Variants in DLG1 observed in about 807,000 individuals in gnomAD.
The protein encoded by DLG1 is discs large MAGUK scaffold protein 1.
A neutral mutation model predicts 123.4 loss-of-function variants in DLG1; 42 were observed. The observed-to-expected ratio is 0.34, with a 90% CI of 0.27 to 0.44. The LOEUF (loss-of-function observed/expected upper bound fraction) is 0.44. DLG1 is among the 20% of genes least tolerant of loss of function. The pLI, the probability that DLG1 is intolerant of heterozygous loss-of-function variation, is 1.00. For missense variants in DLG1, 942 were observed against 1,082.6 expected, an observed-to-expected ratio of 0.87 and a Z score of 1.82; for synonymous variants, 317 against 356.2, an observed-to-expected ratio of 0.89 and a Z score of 1.24.
At chr3:197,115,762 T>C (rs545004393) in intron 13 of DLG1, among the ~76,000 whole-genome samples, 165 bp downstream of exon 13, 2 of 152,186 alleles carry the variant, frequency 1.3e-5, no homozygotes, top group Non-Finnish European at 2.9e-5. Context: ...ACACCTATTA[T>C]ATAATATGTT....
intron 4 of DLG1, among the ~76,000 whole-genome samples, chr3:197,228,483 T>C (rs1009074653): frequency 6.6e-6 from 1 of 152,252 alleles, no homozygotes; most frequent in Admixed American, 6.5e-5. Flanking sequence ...CTATGATCAT[T>C]TTAATGATTA....
At chr3:197,227,547 T>G (rs1157082418) in intron 4 of DLG1, among the ~76,000 whole-genome samples, 1 of 152,134 alleles carries the variant, frequency 6.6e-6, no homozygotes, top group Non-Finnish European at 1.5e-5. Flanking sequence ...ATTCATATAT[T>G]TGTACTCAAC....
rs140434774 is a variant in DLG1, at chr3:197,042,564, G to T, written c.*2059C>A. On this transcript the variant is annotated 3_prime_UTR_variant, in exon 25 of 25. Transcript: ENST00000667157. Reference sequence around the variant, plus strand: ...AAAAATCACTTAACAAGGACATCCAGAAAACAATGTTATGTAAATTTTAAT... The same window carrying T: ...AAAAATCACTTAACAAGGACATCCATAAAACAATGTTATGTAAATTTTAAT... 2.0e-5 allele frequency: 3 copies of T among 152,242 alleles called. No homozygotes were observed. In the East Asian group the frequency reaches 5.8e-4, roughly 29 times the overall value. 9.4% of individuals were successfully genotyped at this position (152,242 alleles called of 1,614,324 possible). A position where few individuals can be genotyped will look rare whatever the true frequency, so the allele number is the denominator to read the frequency against.
At chr3:197,278,508 T>A (rs1197973267) in intron 4 of DLG1, among the ~76,000 whole-genome samples, 3 of 150,964 alleles carry the variant, frequency 2.0e-5, no homozygotes, top group Non-Finnish European at 4.4e-5. Context: ...AAGAAAAAAA[T>A]CCCTATCACT....
chr3:197,264,978 CA>C (rs1560071358), intron 4 of DLG1, among the ~76,000 whole-genome samples: 1 of 152,162 alleles, frequency 6.6e-6, no homozygotes, highest in South Asian at 2.1e-4. Context: ...AATAATCCTT[CA>C]AAAAAGCTTG....
chr3:197,045,950 G>A (rs1265701586), intron 24 of DLG1, among the ~76,000 whole-genome samples: 4 of 152,184 alleles, frequency 2.6e-5, no homozygotes, highest in African/African-American at 9.7e-5. Flanking sequence ...GATGTGCATA[G>A]AAGAAAGACG....
At chr3:197,246,193 C>T (rs1212874498) in intron 4 of DLG1, among the ~76,000 whole-genome samples, 6 of 152,162 alleles carry the variant, frequency 3.9e-5, no homozygotes, top group Admixed American at 3.9e-4. Flanking sequence ...ACTGAATACC[C>T]ATTATGTTTT....
intron 13 of DLG1, among the ~76,000 whole-genome samples, chr3:197,105,507 T>C (rs1765846904): frequency 6.6e-6 from 1 of 152,212 alleles, no homozygotes; most frequent in South Asian, 2.1e-4. Flanking sequence ...TATTTAGAAA[T>C]ATTAAAACAG....
At chr3:197,235,601 CT>C (rs755681472) in intron 4 of DLG1, among the ~76,000 whole-genome samples, 15 of 152,202 alleles carry the variant, frequency 9.9e-5, no homozygotes, top group Non-Finnish European at 2.1e-4. Context: ...TGAGATCCAA[CT>C]TTTAAAAAGC....
chr3:197,089,802 T>C (rs1473019431), intron 15 of DLG1, among the ~76,000 whole-genome samples: 1 of 152,180 alleles, frequency 6.6e-6, no homozygotes, highest in East Asian at 1.9e-4. Flanking sequence ...AAAATACTTT[T>C]AATGACTTTG....
In DLG1 at chr3:197,091,030, A is replaced by T; in HGVS notation, c.1547-4T>A. The stretch of plus-strand genomic sequence containing the variant: ...TTAGCTTCAAAACGACTGTATTCTG[A>T]TGGAAGAAAAAGAGAAATAAATTGA... On this transcript the variant is annotated splice_region_variant and splice_polypyrimidine_tract_variant and intron_variant, in intron 14 of 24. Transcript: ENST00000667157. 2 of 1,558,682 alleles carry T rather than the reference A, an allele frequency of 1.3e-6. No individual in the cohort carries two copies. The highest frequency in any genetic ancestry group is 4.5e-5 in the East Asian group (2 of 44,462).
At chr3:197,221,797 A>T (rs1314699110) in intron 4 of DLG1, among the ~76,000 whole-genome samples, 2 of 152,196 alleles carry the variant, frequency 1.3e-5, no homozygotes, top group African/African-American at 4.8e-5. Context: ...CTTTTGTTTA[A>T]TATAGAGGCT....
chr3:197,189,236 T>C (rs577913730), intron 5 of DLG1, among the ~76,000 whole-genome samples: 21 of 152,182 alleles, frequency 1.4e-4, no homozygotes, highest in Non-Finnish European at 2.2e-4. Flanking sequence ...CTAATAAAAA[T>C]AGAGATAACA....
At chr3:197,171,592 C>A (rs1272846234) in intron 5 of DLG1, among the ~76,000 whole-genome samples, 1 of 152,150 alleles carries the variant, frequency 6.6e-6, no homozygotes, top group Non-Finnish European at 1.5e-5. Flanking sequence ...TTAGTTCACA[C>A]AGACAGATCA....
intron 18 of DLG1, among the ~76,000 whole-genome samples, chr3:197,073,506 G>A (rs546560273): frequency 2.6e-5 from 4 of 152,240 alleles, no homozygotes; most frequent in Admixed American, 6.5e-5. Flanking sequence ...AAAGCGGCAC[G>A]GGTTTTTATT....
At chr3:197,144,446 C>T (rs1173209777) in intron 6 of DLG1, among the ~76,000 whole-genome samples, 3 of 152,156 alleles carry the variant, frequency 2.0e-5, no homozygotes, top group African/African-American at 7.2e-5. Flanking sequence ...ACCTCCCAAC[C>T]TTGTCAAGTG....
chr3:197,054,806 A>G (rs1730517721), intron 23 of DLG1, among the ~76,000 whole-genome samples: 1 of 151,086 alleles, frequency 6.6e-6, no homozygotes, highest in South Asian at 2.1e-4. Flanking sequence ...CACCATGGCC[A>G]GCTAATTTTT....
At chr3:197,203,346 C>T (rs542408971) in intron 4 of DLG1, among the ~76,000 whole-genome samples, 4 of 152,228 alleles carry the variant, frequency 2.6e-5, no homozygotes, top group African/African-American at 9.6e-5. Flanking sequence ...CATGAACTTT[C>T]AAAAACAGTT....
chr3:197,124,468 G>A (rs1014243395), intron 11 of DLG1, among the ~76,000 whole-genome samples: 1 of 152,036 alleles, frequency 6.6e-6, no homozygotes, highest in Admixed American at 6.5e-5. Context: ...TAGAGATGGG[G>A]TTTCACTGGG....
Sources: allele counts gnomAD v4.1 joint callset (sites outside exome capture counted in the v4.1 genomes callset), GRCh38; gene constraint gnomAD v4.1.1; transcripts MANE v1.5; gene names NCBI Gene and HGNC (gene_info 2026-07-23, HGNC 2026-07-21).